APPBP2: variants seen among roughly 807,000 people sequenced by gnomAD.
APPBP2 encodes the protein amyloid protein-binding protein 2.
A neutral mutation model predicts 76.0 loss-of-function variants in APPBP2; 15 were observed. The observed-to-expected ratio is 0.20, with a 90% CI of 0.13 to 0.30. The LOEUF (loss-of-function observed/expected upper bound fraction) is 0.30. Ranked by LOEUF, APPBP2 falls within the 10% of genes least tolerant of loss-of-function variation. APPBP2 has a pLI of 1.00. For missense variants in APPBP2, 401 were observed against 687.2 expected, an observed-to-expected ratio of 0.58 and a Z score of 4.66; for synonymous variants, 222 against 242.2, an observed-to-expected ratio of 0.92 and a Z score of 0.77.
chr17:60,468,798 A>C (rs1460381017), intron 4 of APPBP2, among the ~76,000 whole-genome samples: 1 of 152,228 alleles, frequency 6.6e-6, no homozygotes, highest in African/African-American at 2.4e-5. Flanking sequence ...TACCATGTAA[A>C]CACAGTATTT....
At chr17:60,518,350 T>TGTGC (rs1199858016) in intron 1 of APPBP2, among the ~76,000 whole-genome samples, 44 of 114,832 alleles carry the variant, frequency 3.8e-4, no homozygotes, top group East Asian at 3.6e-3. Flanking sequence ...CCCAGCCGTG[T>TGTGC]GTGCGTGCGT....
At position 60,454,422 on chromosome 17, in the gene APPBP2, A is replaced by G. The variant is rs1453836626; in HGVS notation, c.1218T>C (p.Ala406=). Residue 406 remains alanine (A), a synonymous_variant, in exon 11 of 13, where the codon GCT becomes GCC. Transcript: ENST00000083182. The part of the protein sequence containing the change: ...KETEQRLLQE[A]HDLHLSSLQL... ...GGAGTGAAGACAGGTGCAAATCATG[A>G]GCTTCTTGAAGCAGCCTCTGTTCAG... 1.2e-6 allele frequency: 2 copies of G among 1,612,412 alleles called. No individual in the cohort carries two copies. The highest frequency in any genetic ancestry group is 1.7e-6 in the Non-Finnish European group (2 of 1,179,216).
At chr17:60,522,521 A>G (rs1026915182) in intron 1 of APPBP2, among the ~76,000 whole-genome samples, 10 of 152,034 alleles carry the variant, frequency 6.6e-5, no homozygotes, top group African/African-American at 2.4e-4. Context: ...GAAGGGGTCT[A>G]TGTTGCCTAG....
At chr17:60,479,383 A>C in intron 3 of APPBP2, 112 bp from the exon 4 acceptor site, 1 of 1,169,994 alleles carries the variant, frequency 8.5e-7, no homozygotes, top group Non-Finnish European at 1.2e-6. Flanking sequence ...TGATAGTAAA[A>C]TCTTGTGTTT....
intron 1 of APPBP2, among the ~76,000 whole-genome samples, chr17:60,523,664 A>AT (rs1222656853): frequency 6.6e-6 from 1 of 151,998 alleles, no homozygotes; most frequent in Non-Finnish European, 1.5e-5. Flanking sequence ...CCCCATCTCT[A>AT]TTTTTTTTAA....
At position 60,500,406 on chromosome 17, in the gene APPBP2, C is replaced by G. The variant is rs749667334; in HGVS notation, c.220G>C (p.Asp74His). 6.3e-7 allele frequency: 1 copy of G among 1,597,966 alleles called. No individual in the cohort carries two copies. Among genetic ancestry groups the G allele is most frequent in the East Asian group, 2.2e-5 (1 of 44,654 alleles). ...EVFAKVLRAL[D>H]KRHLLHHCFQ... ...TTTTAAAAAAGAATTTACCTTTTAT[C>G]CAAAGCTCTCAGTACTTTAGCAAAA... is the stretch of plus-strand genomic sequence containing the variant. Residue 74 changes from aspartate to histidine, a missense_variant, in exon 2 of 13, where the codon GAT becomes CAT. Asp to His is a moderately conservative substitution (Grantham distance 81). This residue lies in a region of APPBP2 where 149 missense variants were observed against 198.4 expected (regional missense o/e 0.75). Transcript: ENST00000083182.
rs2090756959 is a variant in APPBP2, at chr17:60,494,483, T to C, written c.362A>G (p.Gln121Arg). The change falls in exon 3 of 13, where the codon CAG becomes CGG. Residue 121 changes from glutamine to arginine, a missense_variant. Gln to Arg is a conservative substitution (Grantham distance 43, BLOSUM62 1). Transcript: ENST00000083182. ...TTACTTACCTAAAACAAAGCCAACC[T>C]GAATGGCTTTTTCCTTTACTGCAGC... ...SDAAVKEKAI[Q>R]VGFVLGGFLS... 6.2e-7 allele frequency: 1 copy of C among 1,608,246 alleles called. No homozygotes were observed. The highest frequency in any genetic ancestry group is 1.7e-4 in the Middle Eastern group (1 of 6,042).
intron 3 of APPBP2, among the ~76,000 whole-genome samples, chr17:60,486,775 T>A (rs559509616): frequency 6.6e-6 from 1 of 152,198 alleles, no homozygotes. Context: ...GTTGATGCAG[T>A]TTCTTCCGAG....
At chr17:60,494,333 G>A (rs550442145) in intron 3 of APPBP2, 133 bp downstream of exon 3, 1 of 869,278 alleles carries the variant, frequency 1.2e-6, no homozygotes, top group Non-Finnish European at 1.8e-6. Context: ...TTGGCATGGG[G>A]TTAAGTGGTT....
At chr17:60,466,052 C>A (rs543577003) in intron 5 of APPBP2, among the ~76,000 whole-genome samples, 9 of 152,020 alleles carry the variant, frequency 5.9e-5, no homozygotes, top group Non-Finnish European at 7.4e-5. Context: ...CATGCTGGCC[C>A]CAAACTCCTG....
chr17:60,452,127 A>G, intron 11 of APPBP2, 82 bp from the exon 12 acceptor site: 1 of 1,353,782 alleles, frequency 7.4e-7, no homozygotes. Flanking sequence ...ACTGATCTAA[A>G]TGCCAAAGAC....
intron 1 of APPBP2, among the ~76,000 whole-genome samples, chr17:60,507,841 A>G (rs111533662): frequency 0.082 from 12,416 of 152,056 alleles, 1,659 homozygotes; most frequent in African/African-American, 0.28. Flanking sequence ...TGGCTGGAGT[A>G]CAGTGGCGTG....
intron 2 of APPBP2, among the ~76,000 whole-genome samples, chr17:60,497,395 C>T (rs189057519): frequency 7.5e-4 from 113 of 151,498 alleles, no homozygotes; most frequent in African/African-American, 2.7e-3. Flanking sequence ...TTAATGGGTA[C>T]AATAAAATAG....
chr17:60,458,456 A>C (rs953354795), intron 9 of APPBP2, among the ~76,000 whole-genome samples: 1 of 151,890 alleles, frequency 6.6e-6, no homozygotes, highest in African/African-American at 2.4e-5. Flanking sequence ...CAAAACAAAA[A>C]CAAAAAAACT....
At position 60,479,256 on chromosome 17, in the gene APPBP2, T is replaced by C; in HGVS notation, c.395A>G (p.Asp132Gly). ...VGFVLGGFLS[D>G]AGWYSDAEKV... ...CTCAGCATCACTGTACCAGCCTGCA[T>C]CTGAAAGAAAGCCACCTAAAAAAAT... The change falls in exon 4 of 13, where the codon GAT (aspartate) becomes GGT (glycine). Residue 132 changes from aspartate (D) to glycine (G), a missense_variant. Asp to Gly is a moderately conservative substitution (Grantham distance 94). Around this residue, in one of 5 missense-constraint regions of APPBP2, gnomAD observed 149 missense variants for 198.4 expected, o/e 0.75. Coordinates refer to ENST00000083182, the MANE Select transcript of APPBP2 (RefSeq NM_006380.5). 1.2e-6 allele frequency: 2 copies of C among 1,600,682 alleles called. No homozygotes were observed. The highest frequency in any genetic ancestry group is 1.7e-6 in the Non-Finnish European group (2 of 1,176,638).
chr17:60,478,488 G>C (rs931159487), intron 4 of APPBP2, among the ~76,000 whole-genome samples: 2 of 152,156 alleles, frequency 1.3e-5, no homozygotes, highest in Non-Finnish European at 2.9e-5. Flanking sequence ...GGGTACAAAA[G>C]TAACACCAAA....
intron 9 of APPBP2, chr17:60,459,373 G>A (rs971760409): frequency 2.6e-5 from 4 of 151,676 alleles, no homozygotes; most frequent in Admixed American, 1.3e-4. Flanking sequence ...AAATAATTAT[G>A]TTTTGTGAGG....
rs938844336 is a variant in APPBP2 at position 60,454,380 on chromosome 17, A to G, written c.1260T>C (p.Ala420=). 18 of 1,612,550 alleles carry G rather than the reference A, an allele frequency of 1.1e-5. No individual in the cohort carries two copies. The highest frequency in any genetic ancestry group is 1.7e-5 in the Admixed American group (1 of 59,830). The stretch of plus-strand genomic sequence containing the variant: ...CAGTCTGTACATTAAATTCCCCAAA[A>G]GCTTTTTTAGCTAGTTGGAGTGAAG... The part of the protein sequence containing the change: ...HLSSLQLAKK[A]FGEFNVQTAK... The change falls in exon 11 of 13, where the codon GCT becomes GCC. Residue 420 remains alanine (A), a synonymous_variant. Coordinates refer to ENST00000083182, the MANE Select transcript of APPBP2 (RefSeq NM_006380.5).
intron 2 of APPBP2, among the ~76,000 whole-genome samples, chr17:60,495,031 C>A (rs1322728562): frequency 7.1e-6 from 1 of 141,704 alleles, no homozygotes; most frequent in Non-Finnish European, 1.5e-5. Context: ...GTTATCCAGG[C>A]TGGAGTGCAG....
Sources: gnomAD v4.1 joint callset for allele counts (sites outside exome capture counted in the v4.1 genomes callset) on GRCh38, gnomAD v4.1.1 for gene constraint, gnomAD v4.1.1 regional missense constraint, MANE v1.5 for transcripts, NCBI Gene and HGNC (gene_info 2026-07-23, HGNC 2026-07-21) for gene names.